Variants in NOX4 observed in about 807,000 individuals in gnomAD.
NOX4 encodes NADPH oxidase 4.
NOX4 carries 69 observed loss-of-function variants against 87.6 expected under a neutral mutation model. That is an observed-to-expected ratio of 0.79 (90% CI 0.65 to 0.96). The LOEUF (loss-of-function observed/expected upper bound fraction) is 0.96. NOX4 is among the 40% of genes least tolerant of loss of function. NOX4 has a pLI of 0.00. For missense variants in NOX4, 680 were observed against 681.5 expected, an observed-to-expected ratio of 1.00 and a Z score of 0.02; for synonymous variants, 275 against 238.2, an observed-to-expected ratio of 1.15 and a Z score of -1.42.
chr11:89,503,926 T>A, the NOX4 span, among the ~76,000 whole-genome samples: 1 of 149,216 alleles, frequency 6.7e-6, no homozygotes, highest in Non-Finnish European at 1.5e-5. Context: ...TCTATCCTTC[T>A]GGAACTTACT....
intron 8 of NOX4, among the ~76,000 whole-genome samples, chr11:89,407,638 T>C (rs538991271): frequency 6.4e-4 from 97 of 152,190 alleles, no homozygotes; most frequent in African/African-American, 2.0e-3. Context: ...TCTTGGTGTT[T>C]TTGTTGTTTG....
chr11:89,354,385 T>C (rs1937829158), intron 13 of NOX4, among the ~76,000 whole-genome samples: 1 of 152,146 alleles, frequency 6.6e-6, no homozygotes, highest in Non-Finnish European at 1.5e-5. Context: ...GATGAAGGCA[T>C]ATTCCTTCAA....
intron 2 of NOX4, among the ~76,000 whole-genome samples, chr11:89,484,728 G>T (rs1039099829): frequency 1.3e-5 from 2 of 151,986 alleles, no homozygotes; most frequent in African/African-American, 4.8e-5. Flanking sequence ...AATAGATAAA[G>T]AATATAATTT....
intron 13 of NOX4, among the ~76,000 whole-genome samples, chr11:89,352,322 T>C (rs557503986): frequency 1.3e-5 from 2 of 152,260 alleles, no homozygotes; most frequent in East Asian, 3.9e-4. Flanking sequence ...ACAGCTATGA[T>C]GTAGATGTAC....
At chr11:89,381,693 C>CG (rs36071374) in intron 11 of NOX4, among the ~76,000 whole-genome samples, 68,208 of 151,938 alleles carry the variant, frequency 0.45, 15,628 homozygotes, top group East Asian at 0.6. Flanking sequence ...TGATTTGGAT[C>CG]GGGGGGACCT....
chr11:89,383,131 T>C (rs1404298885), intron 11 of NOX4, among the ~76,000 whole-genome samples: 2 of 151,608 alleles, frequency 1.3e-5, no homozygotes, highest in Non-Finnish European at 2.9e-5. Context: ...AACAGAGGAG[T>C]TGCAATTACT....
intron 8 of NOX4, among the ~76,000 whole-genome samples, chr11:89,415,170 ATGTG>A (rs765432369): frequency 2.0e-5 from 3 of 151,660 alleles, no homozygotes; most frequent in Middle Eastern, 3.4e-3. Context: ...CAAAAAATTA[ATGTG>A]TGTGTGTGTG....
At position 89,325,112 on chromosome 11, in the gene NOX4, A is replaced by ACTTTTT. The variant is rs1565158726; in HGVS notation, c.*1643_*1644insAAAAAG. 1 of 71,244 alleles carries ACTTTTT rather than the reference A, an allele frequency of 1.4e-5. No homozygotes were observed. The highest frequency in any genetic ancestry group is 3.1e-5 in the Non-Finnish European group (1 of 32,280). The allele number at this position is 71,244 out of a possible 1,614,324, so 4.4% of individuals were successfully genotyped here. A position where few individuals can be genotyped will look rare whatever the true frequency, so the allele number is the denominator to read the frequency against. Reference sequence around the variant, plus strand: ...ATCACTAAACTGTATGAATGCTTTAATTCTTTTTTTTTTTTTTTTTTTTTT... The same window carrying ACTTTTT: ...ATCACTAAACTGTATGAATGCTTTAACTTTTTTTCTTTTTTTTTTTTTTTTTTTTTT... On this transcript the variant is annotated 3_prime_UTR_variant, in exon 18 of 18. Transcript: ENST00000263317.
chr11:89,560,357 T>A, the NOX4 span, among the ~76,000 whole-genome samples: 1 of 152,136 alleles, frequency 6.6e-6, no homozygotes, highest in East Asian at 1.9e-4. Context: ...CTGGCACCTT[T>A]GATTTTTTAG....
chr11:89,465,668 C>T (rs868781404), intron 2 of NOX4, among the ~76,000 whole-genome samples: 1 of 152,126 alleles, frequency 6.6e-6, no homozygotes, highest in African/African-American at 2.4e-5. Flanking sequence ...TAATGATTGA[C>T]ATTCTAACTG....
At chr11:89,545,582 C>T in the NOX4 span, 8 of 151,770 alleles carry the variant, frequency 5.3e-5, no homozygotes, top group African/African-American at 1.9e-4. Context: ...GAGAAATTTA[C>T]AGATGACAAT....
chr11:89,547,962 A>T, the NOX4 span, among the ~76,000 whole-genome samples: 1 of 152,068 alleles, frequency 6.6e-6, no homozygotes, highest in Non-Finnish European at 1.5e-5. Flanking sequence ...ACAAAGAGAC[A>T]TGGCCACTCT....
chr11:89,479,419 T>C (rs768492114), intron 2 of NOX4, among the ~76,000 whole-genome samples: 3 of 152,188 alleles, frequency 2.0e-5, no homozygotes, highest in Admixed American at 6.5e-5. Flanking sequence ...AGAAAAGAGA[T>C]ATAGTCAGAA....
At chr11:89,491,460 C>G, upstream of NOX4, 1 of 531,240 alleles carries the variant, frequency 1.9e-6, no homozygotes, top group Non-Finnish European at 3.3e-6. Flanking sequence ...GACTCCCACC[C>G]GCACCGGGTC....
At chr11:89,388,661 T>A (rs751026344) in intron 11 of NOX4, among the ~76,000 whole-genome samples, 3 of 152,140 alleles carry the variant, frequency 2.0e-5, no homozygotes, top group Non-Finnish European at 2.9e-5. Context: ...ACCTAAAACG[T>A]CATTCATCCT....
Position 89,404,668 on chromosome 11 carries a change from G to C in NOX4, c.630-2126C>G, listed in dbSNP as rs546551898. On this transcript the variant is annotated intron_variant, in intron 8 of 17. Coordinates refer to ENST00000263317, the MANE Select transcript of NOX4 (RefSeq NM_016931.5). ...AATAATACCCCAGTGTCACACAGTT[G>C]ATAAGTAGCAGGGCCAAGATTTGAA... is the stretch of plus-strand genomic sequence containing the variant. Among the ~76,000 whole-genome samples, 25 of 152,204 alleles carry C rather than the reference G, an allele frequency of 1.6e-4. No homozygotes were observed. The South Asian group carries it at 5.0e-3, about 30-fold the overall frequency.
intron 7 of NOX4, among the ~76,000 whole-genome samples, chr11:89,424,488 A>T (rs579497): frequency 6.6e-6 from 1 of 151,334 alleles, no homozygotes; most frequent in African/African-American, 2.4e-5. Flanking sequence ...GTAAATATTG[A>T]TAGAATTAAA....
Position 89,400,337 on chromosome 11 carries a change from C to T in NOX4, c.889G>A (p.Glu297Lys), listed in dbSNP as rs184098470. ...ISGPLCLYCA[E>K]RLYRYIRSNK... ...CTCCGGATATACCTGTAAAGTCTTT[C>T]GGCACAGTACAGGCACAAAGGTCCA... is the stretch of plus-strand genomic sequence containing the variant. Residue 297 changes from glutamate (E) to lysine (K), a missense_variant, in exon 10 of 18, where the codon GAA (glutamate) becomes AAA (lysine). Glu to Lys is a moderately conservative substitution (Grantham distance 56). Transcript: ENST00000263317. The T allele has an allele frequency of 5.5e-5, 88 of 1,612,248 alleles. No homozygotes were observed. The highest frequency in any genetic ancestry group is 2.8e-4 in the African/African-American group (21 of 74,914).
intron 11 of NOX4, among the ~76,000 whole-genome samples, chr11:89,399,557 G>T (rs1387984961): frequency 6.8e-6 from 1 of 147,922 alleles, no homozygotes; most frequent in Non-Finnish European, 1.5e-5. Context: ...TCAAACACTG[G>T]GGCTCAAGCA....
Sources: gnomAD v4.1 joint callset for allele counts (sites outside exome capture counted in the v4.1 genomes callset) on GRCh38, gnomAD v4.1.1 for gene constraint, MANE v1.5 for transcripts, NCBI Gene and HGNC (gene_info 2026-07-23, HGNC 2026-07-21) for gene names.